ARMC8: variants seen among roughly 807,000 people sequenced by gnomAD.
ARMC8 encodes armadillo repeat-containing protein 8.
Under a neutral mutation model 99.3 loss-of-function variants are expected in ARMC8, and 20 were observed. The observed-to-expected ratio is 0.20, with a 90% CI of 0.14 to 0.29. The LOEUF is 0.29. ARMC8 is among the 10% of genes least tolerant of loss of function. ARMC8 has a pLI of 1.00. For synonymous variants in ARMC8, 263 were observed against 278.3 expected (o/e 0.95, Z 0.55); for missense variants, 569 against 809.5 (o/e 0.70, Z 3.60).
intron 16 of ARMC8, among the ~76,000 whole-genome samples, chr3:138,271,798 C>CTTTCTTTTTTTTTT (rs1018824241): frequency 1.5e-5 from 2 of 136,134 alleles, no homozygotes; most frequent in African/African-American, 5.7e-5. Flanking sequence ...TTTTTTCTTT[C>CTTTCTTTTTTTTTT]TTTTTTTTTT....
intron 10 of ARMC8, among the ~76,000 whole-genome samples, chr3:138,240,076 A>G (rs972343212): frequency 6.6e-6 from 1 of 151,956 alleles, no homozygotes; most frequent in African/African-American, 2.4e-5. Flanking sequence ...TGGTTTTAGC[A>G]CTCCCACCTC....
At chr3:138,228,699 AT>A in intron 5 of ARMC8, 2 of 529,690 alleles carry the variant, frequency 3.8e-6, no homozygotes, top group Non-Finnish European at 7.3e-6. Flanking sequence ...CTGTTCTCAT[AT>A]TTTGCTACCA....
intron 1 of ARMC8, among the ~76,000 whole-genome samples, chr3:138,190,401 C>T (rs1189901848): frequency 1.3e-5 from 2 of 151,630 alleles, no homozygotes; most frequent in Non-Finnish European, 2.9e-5. Flanking sequence ...ATTCTCCTGC[C>T]TCAGTCTCCT....
chr3:138,260,184 C>A (rs182483763), intron 12 of ARMC8, among the ~76,000 whole-genome samples: 37 of 152,280 alleles, frequency 2.4e-4, no homozygotes, highest in Admixed American at 1.5e-3. Flanking sequence ...CTTTTCCTTG[C>A]CTTCTCCTTT....
At chr3:138,251,394 G>C (rs2047117653) in intron 12 of ARMC8, among the ~76,000 whole-genome samples, 1 of 152,208 alleles carries the variant, frequency 6.6e-6, no homozygotes. Context: ...GCCTTAGCCT[G>C]CATATTGAAA....
rs73867055 is a variant in ARMC8, at chr3:138,254,414, C to G, written c.1134+9231C>G. On this transcript the variant is annotated intron_variant, in intron 12 of 21. Transcript: ENST00000469044. ...GTAATAAAAACTGTGAGGGTGCATG[C>G]CTGTGTATATAGAGGATAGGGGCTG... 9.3e-3 allele frequency among the ~76,000 whole-genome samples: 1,423 copies of G among 152,226 alleles called. 19 individuals carry two copies. Among genetic ancestry groups the G allele is most frequent in the African/African-American group, 0.033 (1,354 of 41,540 alleles).
At chr3:138,243,821 G>A (rs1237837865) in intron 11 of ARMC8, among the ~76,000 whole-genome samples, 1 of 152,090 alleles carries the variant, frequency 6.6e-6, no homozygotes, top group Non-Finnish European at 1.5e-5. Context: ...TAGCTCTTTA[G>A]GAAGTTTCAA....
At chr3:138,222,649 C>A (rs1446055283) in intron 3 of ARMC8, among the ~76,000 whole-genome samples, 1 of 151,950 alleles carries the variant, frequency 6.6e-6, no homozygotes, top group Non-Finnish European at 1.5e-5. Context: ...GGTTTTGATA[C>A]AGAATTAATG....
intron 12 of ARMC8, among the ~76,000 whole-genome samples, chr3:138,252,642 A>T (rs1458843170): frequency 7.3e-6 from 1 of 136,248 alleles, no homozygotes; most frequent in Non-Finnish European, 1.5e-5. Flanking sequence ...TTTAGTAGAG[A>T]TGGGGTTTTC....
intron 2 of ARMC8, among the ~76,000 whole-genome samples, chr3:138,221,541 A>T (rs1293136451): frequency 6.6e-6 from 1 of 152,184 alleles, no homozygotes; most frequent in African/African-American, 2.4e-5. Context: ...TCATTGAAAC[A>T]AGGAGTTAAT....
chr3:138,241,072 T>G (rs1003089268), intron 10 of ARMC8, among the ~76,000 whole-genome samples: 1 of 152,112 alleles, frequency 6.6e-6, no homozygotes, highest in African/African-American at 2.4e-5. Context: ...AAAGAAATAG[T>G]AAATGTCTGT....
intron 2 of ARMC8, among the ~76,000 whole-genome samples, chr3:138,217,896 A>G (rs1255334980): frequency 2.6e-5 from 4 of 152,228 alleles, no homozygotes; most frequent in Non-Finnish European, 5.9e-5. Context: ...GACATGTCAC[A>G]TATCACATTT....
At chr3:138,203,104 T>G (rs1206485779) in intron 1 of ARMC8, among the ~76,000 whole-genome samples, 1 of 152,212 alleles carries the variant, frequency 6.6e-6, no homozygotes, top group Non-Finnish European at 1.5e-5. Flanking sequence ...GTTTTTCTGC[T>G]TTTCTTTTGC....
At chr3:138,226,764 A>G (rs141943440) in intron 5 of ARMC8, among the ~76,000 whole-genome samples, 1,910 of 152,218 alleles carry the variant, frequency 0.013, 22 homozygotes, top group Non-Finnish European at 0.021. Flanking sequence ...CACTCTCTAA[A>G]CTGATTGATG....
At chr3:138,262,699 C>T in intron 12 of ARMC8, 1 of 1,084,274 alleles carries the variant, frequency 9.2e-7, no homozygotes. Context: ...AAAAAATCTC[C>T]CCAGGTAATT....
intron 12 of ARMC8, among the ~76,000 whole-genome samples, chr3:138,255,253 A>T (rs1255446632): frequency 3.1e-5 from 4 of 128,596 alleles, no homozygotes; most frequent in African/African-American, 1.2e-4. Flanking sequence ...CCCAGGCTGG[A>T]GTGCAGTGGC....
chr3:138,282,098 G>A (rs1560043600), intron 18 of ARMC8, among the ~76,000 whole-genome samples: 1 of 152,162 alleles, frequency 6.6e-6, no homozygotes, highest in African/African-American at 2.4e-5. Flanking sequence ...CCCTAGATTG[G>A]CCTCACCCTC....
intron 12 of ARMC8, chr3:138,246,321 T>C: frequency 1.0e-6 from 1 of 985,690 alleles, no homozygotes; most frequent in Non-Finnish European, 1.2e-6. Context: ...TTGAAGTGTT[T>C]TTAGTGTATC....
Position 138,199,337 on chromosome 3 carries a change from G to A in ARMC8, c.46-10480G>A, listed in dbSNP as rs541013912. ...CAAAAAAGCCTACATCAAAATCTTGGGTTTTGGATAGTATTTGGGAATTTT... is the reference window on the plus strand; with the variant it reads ...CAAAAAAGCCTACATCAAAATCTTGAGTTTTGGATAGTATTTGGGAATTTT... On this transcript the variant is annotated intron_variant, in intron 1 of 21. Transcript: ENST00000469044. Among the ~76,000 whole-genome samples, 4 of 152,202 alleles carry A rather than the reference G, an allele frequency of 2.6e-5. No homozygotes were observed. The South Asian group carries it at 8.3e-4, about 32-fold the overall frequency.
Sources: allele counts gnomAD v4.1 joint callset (sites outside exome capture counted in the v4.1 genomes callset), GRCh38; gene constraint gnomAD v4.1.1; transcripts MANE v1.5; gene names NCBI Gene and HGNC (gene_info 2026-07-23, HGNC 2026-07-21).